The following LRP1B variants were observed in gnomAD, a reference collection of about 807,000 sequenced individuals.
LRP1B encodes the protein LDL receptor related protein 1B, also known as low-density lipoprotein receptor-related protein 1B.
In LRP1B, 217 loss-of-function variants were observed where a neutral mutation model predicts 556.6. The ratio of observed to expected loss-of-function variants is 0.39; its 90% CI spans 0.35 to 0.44. The LOEUF is 0.44. Among genes scored for constraint, LRP1B ranks in the 20% least tolerant of loss-of-function variants. The pLI is 1.00. For missense variants in LRP1B, 5,053 were observed against 5,620.8 expected (o/e 0.90, Z 3.23); for synonymous variants, 2,047 against 1,865.8 (o/e 1.10, Z -2.50).
intron 41 of LRP1B, among the ~76,000 whole-genome samples, chr2:140,654,930 T>C (rs114602223): frequency 0.013 from 2,040 of 152,170 alleles, 37 homozygotes; most frequent in Admixed American, 0.045. Context: ...AGTATAATCA[T>C]TACTGTCAAA....
At chr2:141,097,019 A>G (rs961426568) in intron 7 of LRP1B, among the ~76,000 whole-genome samples, 1 of 152,168 alleles carries the variant, frequency 6.6e-6, no homozygotes, top group African/African-American at 2.4e-5. Context: ...CTTTTTGAGG[A>G]TAGGCACATT....
At chr2:140,873,272 C>T (rs1693198702) in intron 25 of LRP1B, among the ~76,000 whole-genome samples, 1 of 152,024 alleles carries the variant, frequency 6.6e-6, no homozygotes, top group African/African-American at 2.4e-5. Flanking sequence ...ATGATCTTTG[C>T]TTGCATGATC....
chr2:142,075,920 T>G (rs1319115846), intron 1 of LRP1B, among the ~76,000 whole-genome samples: 2 of 152,148 alleles, frequency 1.3e-5, no homozygotes, highest in Non-Finnish European at 2.9e-5. Context: ...CAAATTTCAG[T>G]CTGAATCTAG....
intron 1 of LRP1B, among the ~76,000 whole-genome samples, chr2:141,939,431 T>C (rs530792197): frequency 2.8e-4 from 42 of 152,202 alleles, no homozygotes; most frequent in African/African-American, 9.6e-4. Context: ...GAGGTGTTAT[T>C]GCAGAAAAAC....
At chr2:141,994,375 T>C (rs1036615722) in intron 1 of LRP1B, among the ~76,000 whole-genome samples, 3 of 152,220 alleles carry the variant, frequency 2.0e-5, no homozygotes, top group South Asian at 2.1e-4. Flanking sequence ...AACACAATGA[T>C]GGTTTCTTTT....
intron 35 of LRP1B, among the ~76,000 whole-genome samples, chr2:140,755,595 GA>G (rs36098165): frequency 2.0e-5 from 3 of 151,248 alleles, no homozygotes; most frequent in African/African-American, 4.9e-5. Flanking sequence ...CAGTAGGTAT[GA>G]AAAAAAAGCA....
At chr2:142,106,201 C>A (rs1457467008) in intron 1 of LRP1B, among the ~76,000 whole-genome samples, 1 of 151,968 alleles carries the variant, frequency 6.6e-6, no homozygotes, top group African/African-American at 2.4e-5. Flanking sequence ...AATTTTCCTG[C>A]CATCTATAGA....
rs375548747 is a variant in LRP1B, at chr2:141,355,482, T to G, written c.344-100841A>C. Among the ~76,000 whole-genome samples, 130 of 151,880 alleles carry G rather than the reference T, an allele frequency of 8.6e-4. 1 individual carries two copies. The highest frequency in any genetic ancestry group is 3.0e-3 in the African/African-American group (125 of 41,402). On this transcript the variant is annotated intron_variant, in intron 3 of 90. Transcript: ENST00000389484. ...AATCCCCACCTCCACCACACCCCCA[T>G]CCCCTGGCAACCACTAATCTACTTT...
chr2:140,813,864 C>T lies in LRP1B; in HGVS notation c.5210-58G>A, dbSNP rs2105037423. The T allele has an allele frequency of 6.4e-6, 8 of 1,253,960 alleles. No individual in the cohort carries two copies. The South Asian group carries it at 9.3e-5, about 15-fold the overall frequency. The allele number at this position is 1,253,960 out of a possible 1,614,324, so 77.7% of individuals were successfully genotyped here. On this transcript the variant is annotated intron_variant, in intron 31 of 90. Transcript: ENST00000389484. ...ATAGCCACTTAAATTGTAATATCCA[C>T]CTAGCACCACTGGATTTGAGGGGAA...
chr2:141,274,209 G>GAT (rs2105374218), intron 3 of LRP1B, among the ~76,000 whole-genome samples: 1 of 152,142 alleles, frequency 6.6e-6, no homozygotes, highest in Non-Finnish European at 1.5e-5. Context: ...TCTACTCTTA[G>GAT]ATATATACTC....
chr2:141,688,362 A>T (rs976633841), intron 2 of LRP1B, among the ~76,000 whole-genome samples: 1 of 151,914 alleles, frequency 6.6e-6, no homozygotes, highest in Non-Finnish European at 1.5e-5. Context: ...TACACATGTG[A>T]TCCTTACAAC....
At position 141,819,306 on chromosome 2, in the gene LRP1B, C is replaced by G. The variant is rs144429535; in HGVS notation, c.83-8905G>C. 6.7e-3 allele frequency among the ~76,000 whole-genome samples: 1,021 copies of G among 152,148 alleles called. 7 individuals are homozygous for G. The highest frequency in any genetic ancestry group is 0.022 in the African/African-American group (919 of 41,518). ...CAGTGAACTTTTTCTTTCTCTATCA[C>G]TGGATCCACAACCGTCTACTCAAAA... On this transcript the variant is annotated intron_variant, in intron 1 of 90. Coordinates refer to ENST00000389484, the MANE Select transcript of LRP1B (RefSeq NM_018557.3).
intron 35 of LRP1B, among the ~76,000 whole-genome samples, chr2:140,748,418 ATATATATTATATTTATATATATAT>A (rs1688420173): frequency 1.0e-5 from 1 of 97,318 alleles, no homozygotes. Context: ...TTCATATATA[ATATATATTATATTTATATATATAT>A]TATATATATA....
At chr2:141,358,188 GT>G (rs924890216) in intron 3 of LRP1B, among the ~76,000 whole-genome samples, 10 of 152,192 alleles carry the variant, frequency 6.6e-5, no homozygotes, top group African/African-American at 2.2e-4. Flanking sequence ...AATATTGAGT[GT>G]TTGTTTAATA....
At chr2:140,763,032 A>G (rs1688979972) in intron 35 of LRP1B, among the ~76,000 whole-genome samples, 1 of 152,140 alleles carries the variant, frequency 6.6e-6, no homozygotes, top group Non-Finnish European at 1.5e-5. Context: ...ACAGGTACCA[A>G]TCTATACTCT....
chr2:140,494,696 A>G (rs554270789), intron 56 of LRP1B, among the ~76,000 whole-genome samples: 1 of 152,170 alleles, frequency 6.6e-6, no homozygotes, highest in East Asian at 1.9e-4. Context: ...TGAAAAATTG[A>G]AAGGAGTTAA....
At chr2:141,394,275 T>C (rs149408996) in intron 3 of LRP1B, among the ~76,000 whole-genome samples, 35 of 152,260 alleles carry the variant, frequency 2.3e-4, no homozygotes, top group Admixed American at 9.2e-4. Flanking sequence ...GTGTAAACTT[T>C]CAGGACTTTT....
At chr2:141,824,580 C>T (rs1286574901) in intron 1 of LRP1B, among the ~76,000 whole-genome samples, 2 of 152,098 alleles carry the variant, frequency 1.3e-5, no homozygotes, top group African/African-American at 4.8e-5. Context: ...GTCTCGATCT[C>T]CTGACCTCGT....
chr2:140,439,620 G>A (rs928269205), intron 66 of LRP1B, among the ~76,000 whole-genome samples: 3 of 151,870 alleles, frequency 2.0e-5, no homozygotes, highest in Non-Finnish European at 2.9e-5. Flanking sequence ...AAAACTAGGC[G>A]TTAATAAAAT....
Sources: allele counts gnomAD v4.1 joint callset (sites outside exome capture counted in the v4.1 genomes callset), GRCh38; gene constraint gnomAD v4.1.1; transcripts MANE v1.5; gene names NCBI Gene and HGNC (gene_info 2026-07-23, HGNC 2026-07-21).